Variants in SCHIP1 observed in about 807,000 individuals in gnomAD.
The protein encoded by SCHIP1 is schwannomin interacting protein 1.
A neutral mutation model predicts 29.7 loss-of-function variants in SCHIP1; 8 were observed. That is an observed-to-expected ratio of 0.27 (90% confidence interval 0.16 to 0.49). The LOEUF is 0.49. Ranked by LOEUF, SCHIP1 falls within the 20% of genes least tolerant of loss-of-function variation. The probability of loss-of-function intolerance (pLI) is 0.99; values close to 1 mark genes in which losing one functional copy is unlikely to be tolerated. For missense variants in SCHIP1, 193 were observed against 294.6 expected (o/e 0.66, Z 2.52); for synonymous variants, 76 against 94.9 (o/e 0.80, Z 1.16).
the SCHIP1 span, among the ~76,000 whole-genome samples, chr3:159,822,153 A>G: frequency 6.6e-6 from 1 of 152,252 alleles, no homozygotes; most frequent in Non-Finnish European, 1.5e-5. Flanking sequence ...CTCCAGCCAC[A>G]TATGTCAGCT....
chr3:159,428,759 C>T, the SCHIP1 span, among the ~76,000 whole-genome samples: 7 of 151,908 alleles, frequency 4.6e-5, no homozygotes, highest in Middle Eastern at 3.4e-3. Context: ...ATGTTTATTG[C>T]GGCACTATTC....
the SCHIP1 span, among the ~76,000 whole-genome samples, chr3:159,548,233 A>T: frequency 1.2e-4 from 19 of 152,148 alleles, no homozygotes; most frequent in Non-Finnish European, 2.4e-4. Context: ...GAAGTTTTCT[A>T]AAGATTTTTA....
the SCHIP1 span, among the ~76,000 whole-genome samples, chr3:159,694,290 C>T: frequency 2.6e-5 from 4 of 152,062 alleles, no homozygotes; most frequent in East Asian, 1.9e-4. Flanking sequence ...GAGGCCAAGG[C>T]GGGCACATCA....
At chr3:159,428,270 G>A in the SCHIP1 span, among the ~76,000 whole-genome samples, 2 of 152,004 alleles carry the variant, frequency 1.3e-5, no homozygotes, top group African/African-American at 4.8e-5. Context: ...CCTACAAAAT[G>A]GGAGAAAATT....
At chr3:159,714,718 G>A in the SCHIP1 span, among the ~76,000 whole-genome samples, 43 of 152,356 alleles carry the variant, frequency 2.8e-4, no homozygotes, top group African/African-American at 1.0e-3. Context: ...CCATTGCTGA[G>A]GCTTGAGTAG....
the SCHIP1 span, among the ~76,000 whole-genome samples, chr3:159,306,786 A>G: frequency 6.6e-6 from 1 of 152,226 alleles, no homozygotes; most frequent in South Asian, 2.1e-4. Flanking sequence ...TGTATATCTA[A>G]CATTAAGCTC....
chr3:159,416,277 G>A, the SCHIP1 span, among the ~76,000 whole-genome samples: 1 of 152,080 alleles, frequency 6.6e-6, no homozygotes, highest in Non-Finnish European at 1.5e-5. Context: ...CCCTGACTAC[G>A]CATCTTAGGT....
the SCHIP1 span, among the ~76,000 whole-genome samples, chr3:159,393,936 C>T: frequency 6.6e-6 from 1 of 152,092 alleles, no homozygotes; most frequent in Non-Finnish European, 1.5e-5. Flanking sequence ...TTGATTCTTC[C>T]TACCCATGAG....
chr3:159,511,363 T>C, the SCHIP1 span, among the ~76,000 whole-genome samples: 1 of 152,222 alleles, frequency 6.6e-6, no homozygotes, highest in East Asian at 1.9e-4. Flanking sequence ...AGGTGCTTTC[T>C]GTCACCGCTT....
At chr3:159,700,092 A>T in the SCHIP1 span, among the ~76,000 whole-genome samples, 18 of 152,354 alleles carry the variant, frequency 1.2e-4, no homozygotes, top group East Asian at 2.3e-3. Flanking sequence ...ATAAAATGGG[A>T]TGTTGTCACA....
intron 1 of SCHIP1, among the ~76,000 whole-genome samples, chr3:159,848,433 A>G (rs937802383): frequency 6.6e-6 from 1 of 152,132 alleles, no homozygotes; most frequent in African/African-American, 2.4e-5. Flanking sequence ...CATTCAGCTC[A>G]AGTCTCTGCC....
the SCHIP1 span, among the ~76,000 whole-genome samples, chr3:159,777,229 C>T: frequency 6.6e-6 from 1 of 152,322 alleles, no homozygotes; most frequent in Middle Eastern, 3.4e-3. Context: ...CCTCACTTTT[C>T]ATATGAGAAA....
the SCHIP1 span, among the ~76,000 whole-genome samples, chr3:159,749,085 A>C: frequency 6.6e-6 from 1 of 152,154 alleles, no homozygotes; most frequent in Non-Finnish European, 1.5e-5. Flanking sequence ...CAGCCTTAGC[A>C]ACATGATAAA....
chr3:159,432,792 A>G, the SCHIP1 span, among the ~76,000 whole-genome samples: 96 of 152,280 alleles, frequency 6.3e-4, no homozygotes, highest in African/African-American at 2.2e-3. Flanking sequence ...CAGTGTTTGC[A>G]TTGATAATAG....
chr3:159,587,195 C>G, the SCHIP1 span, among the ~76,000 whole-genome samples: 1 of 152,276 alleles, frequency 6.6e-6, no homozygotes, highest in Non-Finnish European at 1.5e-5. Flanking sequence ...TTTTTAAGAG[C>G]TCCTCATGTG....
the SCHIP1 span, among the ~76,000 whole-genome samples, chr3:159,378,476 G>T: frequency 6.6e-6 from 1 of 152,128 alleles, no homozygotes; most frequent in Non-Finnish European, 1.5e-5. Flanking sequence ...CAGAATATTT[G>T]GGATCTGTTA....
At chr3:159,482,526 G>A in the SCHIP1 span, among the ~76,000 whole-genome samples, 1 of 152,040 alleles carries the variant, frequency 6.6e-6, no homozygotes, top group East Asian at 1.9e-4. Flanking sequence ...TGATCTAAAG[G>A]TACTAATTAT....
At chr3:159,389,791 A>C in the SCHIP1 span, among the ~76,000 whole-genome samples, 3 of 152,058 alleles carry the variant, frequency 2.0e-5, no homozygotes, top group African/African-American at 4.8e-5. Context: ...GTGACTCTAC[A>C]TGAATGATCT....
At chr3:159,607,793 G>T in the SCHIP1 span, among the ~76,000 whole-genome samples, 2 of 152,144 alleles carry the variant, frequency 1.3e-5, no homozygotes, top group Non-Finnish European at 2.9e-5. Context: ...ATGTCAAGTG[G>T]TTTTGTGTTC....
Sources: allele counts gnomAD v4.1 joint callset (sites outside exome capture counted in the v4.1 genomes callset), GRCh38; gene constraint gnomAD v4.1.1; transcripts MANE v1.5; gene names NCBI Gene and HGNC (gene_info 2026-07-23, HGNC 2026-07-21).